The following ABHD13 variants were observed in gnomAD, a reference collection of about 807,000 sequenced individuals.
ABHD13 encodes protein ABHD13.
A neutral mutation model predicts 25.2 loss-of-function variants in ABHD13; 7 were observed. The ratio of observed to expected loss-of-function variants is 0.28; its 90% CI spans 0.16 to 0.52. The LOEUF (loss-of-function observed/expected upper bound fraction) is 0.52, where lower values mean the gene tolerates loss of function less well. ABHD13 is among the 20% of genes least tolerant of loss of function. ABHD13 has a pLI of 0.96. For missense variants in ABHD13, 302 were observed against 402.7 expected (o/e 0.75, Z 2.14); for synonymous variants, 133 against 136.1 (o/e 0.98, Z 0.16).
rs1169860180 is a variant in ABHD13, at chr13:108,230,582, C to T, written c.*350C>T. On this transcript the variant is annotated 3_prime_UTR_variant, in exon 2 of 2. Transcript: ENST00000375898. The stretch of plus-strand genomic sequence containing the variant: ...GGAAAGAGATATGTAAACAAGAAAC[C>T]TTTGGGTATTGTTTCTTAAGTAAAT... 5.7e-6 allele frequency: 1 copy of T among 175,568 alleles called. No individual in the cohort carries two copies. Among genetic ancestry groups the T allele is most frequent in the Non-Finnish European group, 1.3e-5 (1 of 74,518 alleles). 10.9% of individuals were successfully genotyped at this position (175,568 alleles called of 1,614,324 possible).
intron 1 of ABHD13, among the ~76,000 whole-genome samples, chr13:108,221,901 C>CGATCT (rs1267708963): frequency 6.6e-6 from 1 of 151,652 alleles, no homozygotes; most frequent in African/African-American, 2.4e-5. Flanking sequence ...TGCAGTGGCA[C>CGATCT]GATCTCAGCT....
In ABHD13 at chr13:108,233,207, T is replaced by G. The variant is rs1879845034; in HGVS notation, c.*2975T>G. ...TAATATGTCACTGGAGTAATTACGC[T>G]GTAATACCTGTTGAGAATTCATACC... is the stretch of plus-strand genomic sequence containing the variant. On this transcript the variant is annotated 3_prime_UTR_variant, in exon 2 of 2. Coordinates refer to ENST00000375898, the MANE Select transcript of ABHD13 (RefSeq NM_032859.3). 6.0e-6 allele frequency: 1 copy of G among 166,848 alleles called. No homozygotes were observed. Among genetic ancestry groups the G allele is most frequent in the African/African-American group, 2.4e-5 (1 of 41,446 alleles). The allele number at this position is 166,848 out of a possible 1,614,324, so 10.3% of individuals were successfully genotyped here. A position where few individuals can be genotyped will look rare whatever the true frequency, so the allele number is the denominator to read the frequency against.
chr13:108,227,940 GTC>G (rs1311857942), intron 1 of ABHD13, among the ~76,000 whole-genome samples: 3 of 151,888 alleles, frequency 2.0e-5, no homozygotes, highest in Admixed American at 2.0e-4. Flanking sequence ...AAATGTAAAA[GTC>G]TATGTTTAGT....
In ABHD13 at chr13:108,232,589, T is replaced by C. The variant is rs976603469; in HGVS notation, c.*2357T>C. The C allele has an allele frequency of 3.6e-5, 6 of 166,876 alleles. No individual in the cohort carries two copies. Among genetic ancestry groups the C allele is most frequent in the African/African-American group, 1.4e-4 (6 of 41,430 alleles). 10.3% of individuals were successfully genotyped at this position (166,876 alleles called of 1,614,324 possible). A position where few individuals can be genotyped will look rare whatever the true frequency, so the allele number is the denominator to read the frequency against. The stretch of plus-strand genomic sequence containing the variant: ...ACTCCTTTACTGTGGACCCATTGCT[T>C]AGTGGGAATGGAAGTATATGTATCT... On this transcript the variant is annotated 3_prime_UTR_variant, in exon 2 of 2. Transcript: ENST00000375898.
At chr13:108,223,950 CACAG>C (rs1207938097) in intron 1 of ABHD13, among the ~76,000 whole-genome samples, 2 of 152,170 alleles carry the variant, frequency 1.3e-5, no homozygotes, top group Non-Finnish European at 2.9e-5. Context: ...AAATAAGTGT[CACAG>C]ACAGCTGTTT....
chr13:108,233,922 G>A lies in ABHD13; in HGVS notation c.*3690G>A, dbSNP rs182798211. On this transcript the variant is annotated 3_prime_UTR_variant, in exon 2 of 2. Coordinates refer to ENST00000375898, the MANE Select transcript of ABHD13 (RefSeq NM_032859.3). ...TGCCGTATATACATATGTAACAGGTGAGTGTGTGTTTAACATAATTTATAA... is the reference window on the plus strand; with the variant it reads ...TGCCGTATATACATATGTAACAGGTAAGTGTGTGTTTAACATAATTTATAA... 6.0e-6 allele frequency: 1 copy of A among 166,880 alleles called. No individual in the cohort carries two copies. The highest frequency in any genetic ancestry group is 6.5e-5 in the Admixed American group (1 of 15,274). The allele number at this position is 166,880 out of a possible 1,614,324, so 10.3% of individuals were successfully genotyped here.
chr13:108,224,263 A>G (rs761869599), intron 1 of ABHD13, among the ~76,000 whole-genome samples: 1 of 152,168 alleles, frequency 6.6e-6, no homozygotes, highest in South Asian at 2.1e-4. Context: ...GAGTTGCTTG[A>G]ACGTTACTGA....
intron 1 of ABHD13, among the ~76,000 whole-genome samples, chr13:108,222,449 A>G (rs1879589111): frequency 6.6e-6 from 1 of 152,112 alleles, no homozygotes. Flanking sequence ...AAAATGTAAT[A>G]TATCTTTCTT....
Position 108,233,577 on chromosome 13 carries a change from G to A in ABHD13, c.*3345G>A, listed in dbSNP as rs568946543. On this transcript the variant is annotated 3_prime_UTR_variant, in exon 2 of 2. Transcript: ENST00000375898. Reference sequence around the variant, plus strand: ...GAAAAATTAGTCATAACCCTTTTGGGTTATCCACTTAAATTTAGGTATTTT... The same window carrying A: ...GAAAAATTAGTCATAACCCTTTTGGATTATCCACTTAAATTTAGGTATTTT... 4.3e-4 allele frequency: 71 copies of A among 166,650 alleles called. No individual in the cohort carries two copies. The highest frequency in any genetic ancestry group is 1.7e-3 in the African/African-American group (70 of 41,472). The allele number at this position is 166,650 out of a possible 1,614,324, so 10.3% of individuals were successfully genotyped here.
Position 108,233,266 on chromosome 13 carries a change from T to C in ABHD13, c.*3034T>C, listed in dbSNP as rs946959492. ...CTTATATATTAATTTCTTATGTTTG[T>C]AAGTTTGGCTTTGTGGGAATAGGTG... On this transcript the variant is annotated 3_prime_UTR_variant, in exon 2 of 2. Coordinates refer to ENST00000375898, the MANE Select transcript of ABHD13 (RefSeq NM_032859.3). 3.6e-5 allele frequency: 6 copies of C among 166,818 alleles called. No individual in the cohort carries two copies. Among genetic ancestry groups the C allele is most frequent in the African/African-American group, 9.7e-5 (4 of 41,444 alleles). The allele number at this position is 166,818 out of a possible 1,614,324, so 10.3% of individuals were successfully genotyped here. A position where few individuals can be genotyped will look rare whatever the true frequency, so the allele number is the denominator to read the frequency against.
chr13:108,225,162 CT>C lies in ABHD13; in HGVS notation c.-20-4030del, dbSNP rs369949931. On this transcript the variant is annotated intron_variant, in intron 1 of 1. Transcript: ENST00000375898. ...AAAATGTATTTGTTTACACATCATG[CT>C]TTTTTTGTGTATAATTAGCATAAAG... Among the ~76,000 whole-genome samples, 125 of 152,112 alleles carry C rather than the reference CT, an allele frequency of 8.2e-4. 1 individual carries two copies. Among genetic ancestry groups the C allele is most frequent in the African/African-American group, 1.3e-3 (56 of 41,508 alleles).
intron 1 of ABHD13, among the ~76,000 whole-genome samples, chr13:108,226,283 G>C (rs1879669912): frequency 6.6e-6 from 1 of 152,194 alleles, no homozygotes; most frequent in Non-Finnish European, 1.5e-5. Flanking sequence ...TGCTCCACAG[G>C]AAACAGTGTC....
intron 1 of ABHD13, among the ~76,000 whole-genome samples, chr13:108,220,683 TG>T (rs1879548742): frequency 6.6e-6 from 1 of 152,216 alleles, no homozygotes; most frequent in East Asian, 1.9e-4. Flanking sequence ...TGAAATCCCT[TG>T]CAAAGATGTA....
chr13:108,222,966 G>T (rs894156421), intron 1 of ABHD13, among the ~76,000 whole-genome samples: 3 of 152,212 alleles, frequency 2.0e-5, no homozygotes, highest in Admixed American at 1.3e-4. Context: ...AGAATTGTGG[G>T]TACTCGTTGG....
At position 108,229,327 on chromosome 13, in the gene ABHD13, T is replaced by A; in HGVS notation, c.109T>A (p.Phe37Ile). The A allele has an allele frequency of 1.2e-6, 2 of 1,612,716 alleles. No homozygotes were observed. Among genetic ancestry groups the A allele is most frequent in the Admixed American group, 3.3e-5 (2 of 59,868 alleles). ...RISLLPLIVTFHLYGGIILLL... is the reference protein window; with the variant it reads ...RISLLPLIVTIHLYGGIILLL... ...TTCTCTTTTACCTTTAATAGTGACT[T>A]TTCATCTGTATGGAGGCATTATCTT... Residue 37 changes from phenylalanine (F) to isoleucine (I), a missense_variant, in exon 2 of 2, where the codon TTT becomes ATT. Phe to Ile is a conservative substitution (Grantham distance 21). Transcript: ENST00000375898. The surrounding 1 kb of genome is among the most constrained non-coding windows in gnomAD (Gnocchi z 4.7).
chr13:108,227,738 T>A (rs1335530509), intron 1 of ABHD13, among the ~76,000 whole-genome samples: 1 of 151,998 alleles, frequency 6.6e-6, no homozygotes, highest in African/African-American at 2.4e-5. Flanking sequence ...ACCAGCCTCA[T>A]AGGTAAGCAT....
chr13:108,222,997 G>A (rs1879599510), intron 1 of ABHD13, among the ~76,000 whole-genome samples: 1 of 152,208 alleles, frequency 6.6e-6, no homozygotes, highest in Non-Finnish European at 1.5e-5. Context: ...TCACCCAACA[G>A]GAGGCACTTC....
intron 1 of ABHD13, among the ~76,000 whole-genome samples, chr13:108,224,038 A>T (rs2139010359): frequency 6.6e-6 from 1 of 152,308 alleles, no homozygotes; most frequent in Admixed American, 6.5e-5. Flanking sequence ...ATAAGTTTCC[A>T]CTTGGTTTCT....
intron 1 of ABHD13, among the ~76,000 whole-genome samples, chr13:108,221,627 A>G (rs1390587612): frequency 1.3e-5 from 2 of 152,094 alleles, no homozygotes; most frequent in East Asian, 3.8e-4. Flanking sequence ...AAAATTATCA[A>G]TCTAGGATGG....
Sources: gnomAD v4.1 joint callset for allele counts (sites outside exome capture counted in the v4.1 genomes callset) on GRCh38, gnomAD v4.1.1 for gene constraint, Gnocchi (gnomAD v3.1) non-coding constraint, MANE v1.5 for transcripts, NCBI Gene and HGNC (gene_info 2026-07-23, HGNC 2026-07-21) for gene names.